Variants in GPD2 observed in about 807,000 individuals in gnomAD.
GPD2 encodes the protein glycerol-3-phosphate dehydrogenase, mitochondrial.
In GPD2, 54 loss-of-function variants were observed where a neutral mutation model predicts 82.4. The ratio of observed to expected loss-of-function variants is 0.66; its 90% CI spans 0.53 to 0.82. The LOEUF (loss-of-function observed/expected upper bound fraction) is 0.82. Ranked by LOEUF, GPD2 falls within the 40% of genes least tolerant of loss-of-function variation. The pLI is 0.00. For synonymous variants in GPD2, 288 were observed against 306.1 expected (o/e 0.94, Z 0.62); for missense variants, 748 against 896.2 (o/e 0.83, Z 2.11).
the GPD2 span, among the ~76,000 whole-genome samples, chr2:156,408,593 C>G: frequency 2.6e-5 from 4 of 151,452 alleles, no homozygotes; most frequent in South Asian, 8.3e-4. Flanking sequence ...AAAAAACTAG[C>G]CAGGCATGGT....
At chr2:156,486,117 CTG>C (rs1172143357) in intron 2 of GPD2, among the ~76,000 whole-genome samples, 19 of 152,160 alleles carry the variant, frequency 1.2e-4, no homozygotes, top group Admixed American at 1.2e-3. Flanking sequence ...ATATGGTTAA[CTG>C]TTTTTTCAGA....
At chr2:156,448,120 T>TG (rs1682432369) in intron 1 of GPD2, among the ~76,000 whole-genome samples, 1 of 67,802 alleles carries the variant, frequency 1.5e-5, no homozygotes, top group South Asian at 4.0e-4. Context: ...CAATTTTCCC[T>TG]TTTTTTTTTT....
chr2:156,571,891 T>C (rs919487428), intron 13 of GPD2, among the ~76,000 whole-genome samples: 2 of 152,162 alleles, frequency 1.3e-5, no homozygotes, highest in Admixed American at 6.5e-5. Context: ...TATATATTCA[T>C]AAAATACTTT....
chr2:156,554,486 C>A (rs3769368), intron 8 of GPD2, among the ~76,000 whole-genome samples: 2 of 152,198 alleles, frequency 1.3e-5, no homozygotes, highest in East Asian at 3.9e-4. Flanking sequence ...AGTATCTTTA[C>A]AGCATTTGTT....
At chr2:156,493,873 T>C (rs1684270386) in intron 2 of GPD2, among the ~76,000 whole-genome samples, 1 of 151,902 alleles carries the variant, frequency 6.6e-6, no homozygotes, top group Non-Finnish European at 1.5e-5. Context: ...GCCTGGTGTT[T>C]TTTTCCCTCT....
At chr2:156,536,002 C>T (rs1686063500) in intron 6 of GPD2, among the ~76,000 whole-genome samples, 1 of 152,138 alleles carries the variant, frequency 6.6e-6, no homozygotes, top group Non-Finnish European at 1.5e-5. Context: ...ATATTAGTGG[C>T]TTATTTATTT....
chr2:156,440,603 T>G (rs947537355), intron 1 of GPD2, among the ~76,000 whole-genome samples: 3 of 152,224 alleles, frequency 2.0e-5, no homozygotes, highest in Admixed American at 6.5e-5. Context: ...ATCATATCGG[T>G]GCTCTTATTT....
intron 4 of GPD2, among the ~76,000 whole-genome samples, chr2:156,511,605 A>C (rs1046369756): frequency 6.6e-6 from 1 of 152,072 alleles, no homozygotes; most frequent in Admixed American, 6.6e-5. Context: ...ATCATGATGG[A>C]GGCAAAGAAA....
At chr2:156,451,922 C>T (rs1440359247) in intron 1 of GPD2, among the ~76,000 whole-genome samples, 3 of 148,624 alleles carry the variant, frequency 2.0e-5, no homozygotes, top group Non-Finnish European at 3.0e-5. Context: ...GACGGGGTCG[C>T]GGCCGGGCAG....
Position 156,512,315 on chromosome 2 carries a change from C to T in GPD2, c.495C>T (p.Tyr165=), listed in dbSNP as rs753879898. ...CATTGCCTATAATGCTTCCAGTTTACAAGTAAGCCTTTTGATATCACCTGT... is the reference window on the plus strand; with the variant it reads ...CATTGCCTATAATGCTTCCAGTTTATAAGTAAGCCTTTTGATATCACCTGT... ...SAPLPIMLPV[Y]KWWQLPYYWV... The change falls in exon 5 of 17, where the codon TAC becomes TAT. Residue 165 remains tyrosine, a splice_region_variant and synonymous_variant. Transcript: ENST00000438166. 4.0e-6 allele frequency: 6 copies of T among 1,503,256 alleles called. No homozygotes were observed. The Admixed American group carries it at 8.4e-5, about 21-fold the overall frequency. 93.1% of individuals were successfully genotyped at this position (1,503,256 alleles called of 1,614,324 possible).
At chr2:156,459,791 A>C (rs970512099) in intron 1 of GPD2, among the ~76,000 whole-genome samples, 1 of 151,464 alleles carries the variant, frequency 6.6e-6, no homozygotes, top group Non-Finnish European at 1.5e-5. Flanking sequence ...GGCTTTGTTC[A>C]GGCTGAGACT....
rs1032479498 is a variant in GPD2 at position 156,571,165 on chromosome 2, C to T, written c.1640C>T (p.Thr547Ile). The part of the protein sequence containing the change: ...VKYGIKEYAC[T>I]AVDMISRRTR... ...TATGGGATTAAGGAGTATGCCTGCA[C>T]TGCTGTGGATATGATTTCACGTCGT... Residue 547 changes from threonine (T) to isoleucine (I), a missense_variant, in exon 13 of 17, where the codon ACT (threonine) becomes ATT (isoleucine). By Grantham distance (89) the Thr-to-Ile change is moderately conservative. Around this residue, in one of 3 missense-constraint regions of GPD2, gnomAD observed 692 missense variants for 809.7 expected, o/e 0.85. Transcript: ENST00000438166. 7.5e-6 allele frequency: 12 copies of T among 1,610,524 alleles called. No homozygotes were observed. The Admixed American group carries it at 1.7e-4, about 22-fold the overall frequency.
intron 1 of GPD2, among the ~76,000 whole-genome samples, chr2:156,465,362 T>TTTCTTTC (rs71402354): frequency 0.014 from 714 of 51,134 alleles, no homozygotes; most frequent in Non-Finnish European, 0.015. Flanking sequence ...TCTTTCTTTC[T>TTTCTTTC]TTTTTTTTTT....
intron 3 of GPD2, among the ~76,000 whole-genome samples, chr2:156,505,190 A>T (rs1684740484): frequency 6.6e-6 from 1 of 152,176 alleles, no homozygotes; most frequent in South Asian, 2.1e-4. Context: ...GTCAGAAAAG[A>T]CAAAGCTGTA....
At chr2:156,520,920 A>T (rs1244671845) in intron 6 of GPD2, among the ~76,000 whole-genome samples, 1 of 152,152 alleles carries the variant, frequency 6.6e-6, no homozygotes, top group Non-Finnish European at 1.5e-5. Context: ...TAAAAGTATT[A>T]TGTGATGGTT....
chr2:156,502,372 A>T (rs1684617744), intron 3 of GPD2, among the ~76,000 whole-genome samples: 1 of 152,134 alleles, frequency 6.6e-6, no homozygotes, highest in Non-Finnish European at 1.5e-5. Context: ...AATTTGGGAA[A>T]TATTTACAAA....
the GPD2 span, among the ~76,000 whole-genome samples, chr2:156,418,360 G>A: frequency 2.0e-5 from 3 of 151,762 alleles, no homozygotes; most frequent in Admixed American, 6.6e-5. Context: ...ACTACACTCC[G>A]GCCTGGGCGA....
At chr2:156,477,914 G>T (rs1683569510) in intron 2 of GPD2, among the ~76,000 whole-genome samples, 1 of 152,128 alleles carries the variant, frequency 6.6e-6, no homozygotes, top group Non-Finnish European at 1.5e-5. Context: ...GATTACTTCT[G>T]CCATCTTTAC....
At chr2:156,518,980 A>C (rs1439111897) in intron 6 of GPD2, among the ~76,000 whole-genome samples, 1 of 152,236 alleles carries the variant, frequency 6.6e-6, no homozygotes, top group African/African-American at 2.4e-5. Flanking sequence ...AAAGTGAAAG[A>C]TGTGAGCCTC....
Sources: gnomAD v4.1 joint callset for allele counts (sites outside exome capture counted in the v4.1 genomes callset) on GRCh38, gnomAD v4.1.1 for gene constraint, gnomAD v4.1.1 regional missense constraint, MANE v1.5 for transcripts, NCBI Gene and HGNC (gene_info 2026-07-23, HGNC 2026-07-21) for gene names.